The following REV3L variants were observed in gnomAD, a reference collection of about 807,000 sequenced individuals.
The protein encoded by REV3L is DNA polymerase zeta catalytic subunit.
A neutral mutation model predicts 299.4 loss-of-function variants in REV3L; 69 were observed. The observed-to-expected ratio is 0.23, with a 90% CI of 0.19 to 0.28. REV3L has a LOEUF of 0.28. Ranked by LOEUF, REV3L falls within the 10% of genes least tolerant of loss-of-function variation. REV3L has a pLI of 1.00. For synonymous variants in REV3L, 1,238 were observed against 1,271.4 expected, an observed-to-expected ratio of 0.97 and a Z score of 0.56; for missense variants, 3,128 against 3,693.8, an observed-to-expected ratio of 0.85 and a Z score of 3.97.
Position 111,307,348 on chromosome 6 carries a change from A to C in REV3L, c.9252+13T>G, listed in dbSNP as rs780905876. 1 of 1,612,120 alleles carries C rather than the reference A, an allele frequency of 6.2e-7. No individual in the cohort carries two copies. The highest frequency in any genetic ancestry group is 8.5e-7 in the Non-Finnish European group (1 of 1,178,252). ...ACTGCTTGTGATTCTGGGCCCATGG[A>C]ACAAAACTGTACCTTTACAAGTTGC... is the stretch of plus-strand genomic sequence containing the variant. On this transcript the variant is annotated intron_variant, in intron 31 of 31. Transcript: ENST00000368802.
At chr6:111,315,886 C>A (rs1773464871) in intron 26 of REV3L, among the ~76,000 whole-genome samples, 1 of 152,214 alleles carries the variant, frequency 6.6e-6, no homozygotes, top group Non-Finnish European at 1.5e-5. Flanking sequence ...CATCTCCAAA[C>A]CACCTGGTCT....
intron 1 of REV3L, chr6:111,431,361 A>G: frequency 3.0e-6 from 3 of 993,262 alleles, no homozygotes; most frequent in South Asian, 2.5e-5. Context: ...CTGGACTCCA[A>G]TACTTCAAGA....
intron 26 of REV3L, among the ~76,000 whole-genome samples, chr6:111,317,853 T>C (rs981296870): frequency 3.3e-5 from 5 of 152,200 alleles, no homozygotes; most frequent in Admixed American, 1.3e-4. Flanking sequence ...TACTCTTTTA[T>C]ATCTGTCTTC....
chr6:111,435,574 CA>C (rs2128303009), intron 1 of REV3L, among the ~76,000 whole-genome samples: 1 of 152,278 alleles, frequency 6.6e-6, no homozygotes, highest in East Asian at 1.9e-4. Flanking sequence ...ACAGTCTCTT[CA>C]ACAAATGGTG....
At chr6:111,392,052 AT>A (rs1164086839) in intron 5 of REV3L, among the ~76,000 whole-genome samples, 1 of 152,266 alleles carries the variant, frequency 6.6e-6, no homozygotes, top group Non-Finnish European at 1.5e-5. Context: ...GAAGTATCAA[AT>A]TTAAAAATGT....
In REV3L at chr6:111,482,977, G is replaced by T; in HGVS notation, c.-89C>A. 1.4e-6 allele frequency: 2 copies of T among 1,386,566 alleles called. No individual in the cohort carries two copies. Among genetic ancestry groups the T allele is most frequent in the Non-Finnish European group, 9.4e-7 (1 of 1,066,638 alleles). 85.9% of individuals were successfully genotyped at this position (1,386,566 alleles called of 1,614,324 possible). On this transcript the variant is annotated 5_prime_UTR_variant, in exon 1 of 32. Coordinates refer to ENST00000368802, the MANE Select transcript of REV3L (RefSeq NM_001372078.1). ...CGGCTCCCTCCGCAGCGGCGGCGGC[G>T]CCCCCTCCCCTTCTCGGCACGGCCC... is the stretch of plus-strand genomic sequence containing the variant.
intron 29 of REV3L, chr6:111,310,351 A>T (rs1488254896): frequency 3.3e-6 from 1 of 299,290 alleles, no homozygotes; most frequent in Non-Finnish European, 6.0e-6. Flanking sequence ...GAGTTGGCAG[A>T]TATCAACTAG....
At chr6:111,397,295 G>T (rs1322152113) in intron 4 of REV3L, among the ~76,000 whole-genome samples, 3 of 151,624 alleles carry the variant, frequency 2.0e-5, no homozygotes, top group Non-Finnish European at 4.4e-5. Flanking sequence ...CATAGGTTTT[G>T]GTATGTTGTG....
intron 1 of REV3L, among the ~76,000 whole-genome samples, chr6:111,459,358 C>T (rs886788100): frequency 2.6e-5 from 4 of 151,970 alleles, no homozygotes; most frequent in African/African-American, 7.2e-5. Context: ...ATTCTTTTCT[C>T]GACAACAGCC....
intron 1 of REV3L, among the ~76,000 whole-genome samples, chr6:111,439,611 T>C (rs1316233431): frequency 6.6e-6 from 1 of 152,192 alleles, no homozygotes; most frequent in Non-Finnish European, 1.5e-5. Context: ...TGAAGTATGG[T>C]CTTCTCTTAT....
intron 31 of REV3L, among the ~76,000 whole-genome samples, chr6:111,303,529 G>C (rs552568730): frequency 6.6e-6 from 1 of 151,254 alleles, no homozygotes; most frequent in African/African-American, 2.4e-5. Context: ...ACCATACCCT[G>C]CTAATTTTTG....
At chr6:111,428,369 T>C (rs984329869) in intron 1 of REV3L, among the ~76,000 whole-genome samples, 2 of 151,754 alleles carry the variant, frequency 1.3e-5, no homozygotes, top group African/African-American at 4.8e-5. Flanking sequence ...ATCAAAATAA[T>C]ACAAAAAAAA....
At chr6:111,448,740 C>T (rs1789146781) in intron 1 of REV3L, among the ~76,000 whole-genome samples, 1 of 152,008 alleles carries the variant, frequency 6.6e-6, no homozygotes, top group Non-Finnish European at 1.5e-5. Flanking sequence ...CTCACCTCAG[C>T]CTCTCCAGTG....
rs373898235 is a variant in REV3L, at chr6:111,374,850, G to A, written c.3505C>T (p.Arg1169Cys). 125 of 1,613,636 alleles carry A rather than the reference G, an allele frequency of 7.7e-5. No individual in the cohort carries two copies. Among genetic ancestry groups the A allele is most frequent in the Middle Eastern group, 1.6e-4 (1 of 6,084 alleles). The stretch of plus-strand genomic sequence containing the variant: ...GATTTCTTAATCTGTGCTCTTGCGC[G>A]ACTAGTTTTTCCTATACGAGAATTA... ...TVNSRIGKTS[R>C]ARAQIKKSKA... Residue 1169 changes from arginine to cysteine, a missense_variant, in exon 13 of 32, where the codon CGC becomes TGC. Transcript: ENST00000368802.
chr6:111,474,773 C>T (rs1200556356), intron 1 of REV3L, among the ~76,000 whole-genome samples: 1 of 152,018 alleles, frequency 6.6e-6, no homozygotes. Flanking sequence ...TCCTTCTTAC[C>T]AATTCCTGTA....
chr6:111,326,606 C>CG (rs1051800551), intron 25 of REV3L, among the ~76,000 whole-genome samples: 6 of 76,332 alleles, frequency 7.9e-5, no homozygotes, highest in East Asian at 4.8e-4. Flanking sequence ...TGGGTATATA[C>CG]CCCCCCCAAA....
chr6:111,356,987 G>T, intron 18 of REV3L, 27 bp downstream of exon 18: 2 of 1,266,494 alleles, frequency 1.6e-6, no homozygotes, highest in Non-Finnish European at 2.2e-6. Context: ...GAATAAAACT[G>T]GAAAAATCAG....
intron 4 of REV3L, among the ~76,000 whole-genome samples, chr6:111,396,435 T>C (rs1782517014): frequency 1.3e-5 from 2 of 152,060 alleles, no homozygotes; most frequent in African/African-American, 4.8e-5. Flanking sequence ...TCATCAGTGA[T>C]GCTGACCTGT....
intron 6 of REV3L, 128 bp downstream of exon 6, chr6:111,389,958 C>G: frequency 1.8e-6 from 1 of 565,974 alleles, no homozygotes; most frequent in African/African-American, 1.9e-5. Flanking sequence ...AGGATGGTCT[C>G]GATCTGACCT....
Sources: gnomAD v4.1 joint callset for allele counts (sites outside exome capture counted in the v4.1 genomes callset) on GRCh38, gnomAD v4.1.1 for gene constraint, MANE v1.5 for transcripts, NCBI Gene and HGNC (gene_info 2026-07-23, HGNC 2026-07-21) for gene names.